DNAH11: variants seen among roughly 807,000 people sequenced by gnomAD.
DNAH11 encodes the protein dynein axonemal heavy chain 11.
Under a neutral mutation model 526.0 loss-of-function variants are expected in DNAH11, and 442 were observed. The ratio of observed to expected loss-of-function variants is 0.84; its 90% CI spans 0.78 to 0.91. The LOEUF (loss-of-function observed/expected upper bound fraction) is 0.91, where lower values mean the gene tolerates loss of function less well. Among genes scored for constraint, DNAH11 ranks in the 40% least tolerant of loss-of-function variants. DNAH11 has a pLI of 0.00. For synonymous variants in DNAH11, 2,461 were observed against 1,935.9 expected, an observed-to-expected ratio of 1.27 and a Z score of -7.12; for missense variants, 6,989 against 5,448.7, an observed-to-expected ratio of 1.28 and a Z score of -8.90.
chr7:21,823,071 T>C (rs1790124621), intron 65 of DNAH11, among the ~76,000 whole-genome samples: 1 of 151,446 alleles, frequency 6.6e-6, no homozygotes, highest in African/African-American at 2.4e-5. Context: ...ATTCTGTAGG[T>C]TGTCTCTTCA....
intron 57 of DNAH11, 58 bp downstream of exon 57, chr7:21,779,162 G>C (rs1201913363): frequency 6.5e-7 from 1 of 1,539,342 alleles, no homozygotes; most frequent in African/African-American, 1.4e-5. Flanking sequence ...AATAAACCTT[G>C]GTAGGTGAAC....
chr7:21,901,316 T>C lies in DNAH11; in HGVS notation c.*62T>C, dbSNP rs573090758. ...CAGTGAGGATTTTCTAGCATGTTGC[T>C]GCACTGTTCCCATGCACATTATTCT... On this transcript the variant is annotated 3_prime_UTR_variant, in exon 82 of 82. Coordinates refer to ENST00000409508, the MANE Select transcript of DNAH11 (RefSeq NM_001277115.2). The C allele has an allele frequency of 1.5e-3, 2,261 of 1,514,316 alleles. 4 individuals carry two copies. Among genetic ancestry groups the C allele is most frequent in the Non-Finnish European group, 1.9e-3 (2,120 of 1,131,824 alleles). 93.8% of individuals were successfully genotyped at this position (1,514,316 alleles called of 1,614,324 possible).
Position 21,564,350 on chromosome 7 carries a change from C to A in DNAH11, c.1147C>A (p.Arg383=). The change falls in exon 6 of 82, where the codon CGG becomes AGG. Residue 383 remains arginine (R), a synonymous_variant. Transcript: ENST00000409508. ...SHSKFYNTPA[R]VIVLLQEFCN... is the part of the protein sequence containing the mutation. ...TTCCAAGTTTTATAACACCCCAGCT[C>A]GGGTTATAGTTTTATTGCAAGAGTT... is the stretch of plus-strand genomic sequence containing the variant. 2 of 1,613,368 alleles carry A rather than the reference C, an allele frequency of 1.2e-6. No individual in the cohort carries two copies. The highest frequency in any genetic ancestry group is 2.2e-5 in the East Asian group (1 of 44,864).
intron 38 of DNAH11, 53 bp from the exon 39 acceptor site, chr7:21,705,406 CT>C (rs1001437270): frequency 2.6e-5 from 41 of 1,587,970 alleles, no homozygotes; most frequent in East Asian, 1.1e-4. Flanking sequence ...GGTAGATTAT[CT>C]TTTTGTCACC....
chr7:21,743,025 G>A (rs1172882264), intron 49 of DNAH11, among the ~76,000 whole-genome samples: 1 of 152,224 alleles, frequency 6.6e-6, no homozygotes, highest in Non-Finnish European at 1.5e-5. Flanking sequence ...CAAATGCCCA[G>A]CACCCCTTTC....
At chr7:21,824,392 AACAG>A (rs1790186001) in intron 65 of DNAH11, among the ~76,000 whole-genome samples, 1 of 152,184 alleles carries the variant, frequency 6.6e-6, no homozygotes, top group African/African-American at 2.4e-5. Flanking sequence ...CATAAAGTCT[AACAG>A]ACAGGACATA....
chr7:21,823,549 A>G (rs1790145063), intron 65 of DNAH11, among the ~76,000 whole-genome samples: 1 of 152,012 alleles, frequency 6.6e-6, no homozygotes, highest in Non-Finnish European at 1.5e-5. Flanking sequence ...TACATAGTAT[A>G]TTTTCCCTGT....
chr7:21,831,603 C>A (rs572899448), intron 65 of DNAH11, among the ~76,000 whole-genome samples: 2 of 152,180 alleles, frequency 1.3e-5, no homozygotes, highest in Non-Finnish European at 2.9e-5. Flanking sequence ...ATCCTCCCCC[C>A]CTCTATTAAC....
rs140465608 is a variant in DNAH11, at chr7:21,576,689, C to T, written c.1593+4716C>T. 4.9e-3 allele frequency among the ~76,000 whole-genome samples: 750 copies of T among 152,244 alleles called. 3 individuals are homozygous for T. The highest frequency in any genetic ancestry group is 0.016 in the African/African-American group (662 of 41,554). On this transcript the variant is annotated intron_variant, in intron 8 of 81. Transcript: ENST00000409508. ...TGTCAATGCTGTATTTCAGCTTACT[C>T]GTGAAGACCTGGTCTTTGTGCTGTA...
intron 45 of DNAH11, 49 bp downstream of exon 45, chr7:21,726,033 A>G (rs1385918408): frequency 2.1e-6 from 3 of 1,453,144 alleles, no homozygotes; most frequent in Non-Finnish European, 2.7e-6. Context: ...TCATATTGCT[A>G]TAAAAAATAC....
intron 30 of DNAH11, among the ~76,000 whole-genome samples, chr7:21,662,008 A>G (rs568718425): frequency 8.6e-4 from 130 of 151,928 alleles, no homozygotes; most frequent in Non-Finnish European, 9.6e-4. Flanking sequence ...TAGTAGAGAC[A>G]GGGTTTCACC....
At chr7:21,704,383 G>T in intron 37 of DNAH11, 51 bp from the exon 38 acceptor site, 4 of 1,516,990 alleles carry the variant, frequency 2.6e-6, no homozygotes, top group Non-Finnish European at 3.6e-6. Context: ...AGTTTTTTAG[G>T]TGTTTGTTAG....
chr7:21,591,655 A>G, intron 14 of DNAH11, 78 bp downstream of exon 14: 1 of 1,348,804 alleles, frequency 7.4e-7, no homozygotes, highest in South Asian at 2.0e-5. Flanking sequence ...TAACCTAATA[A>G]TGTGGGACTC....
intron 18 of DNAH11, among the ~76,000 whole-genome samples, chr7:21,602,185 C>A (rs1348011647): frequency 2.0e-5 from 3 of 151,864 alleles, no homozygotes; most frequent in African/African-American, 4.8e-5. Context: ...ACTAAAAATA[C>A]AAAAATTAGC....
chr7:21,606,656 G>T lies in DNAH11; in HGVS notation c.3775G>T (p.Ala1259Ser). The change falls in exon 20 of 82, where the codon GCA becomes TCA. Residue 1259 changes from alanine (A) to serine (S), a missense_variant. Physicochemically the swap from Ala to Ser is moderately conservative, Grantham distance 99 (BLOSUM62 1). Coordinates refer to ENST00000409508, the MANE Select transcript of DNAH11 (RefSeq NM_001277115.2). ...KKCILFDAKQ[A>S]EFRERFRHYA... ...TTTTTGCAATGATCAGGCAAAGCAG[G>T]CAGAGTTCAGAGAGAGATTCAGACA... 1.3e-6 allele frequency: 2 copies of T among 1,575,288 alleles called. No individual in the cohort carries two copies. Among genetic ancestry groups the T allele is most frequent in the Non-Finnish European group, 1.7e-6 (2 of 1,158,574 alleles).
At chr7:21,770,521 C>T (rs1031719870) in intron 55 of DNAH11, among the ~76,000 whole-genome samples, 2 of 152,162 alleles carry the variant, frequency 1.3e-5, no homozygotes, top group Non-Finnish European at 2.9e-5. Context: ...TGAATTTGCA[C>T]TGCTTACCAC....
At chr7:21,784,639 A>T (rs1788095945) in intron 58 of DNAH11, 99 bp downstream of exon 58, 8 of 775,868 alleles carry the variant, frequency 1.0e-5, no homozygotes, top group Non-Finnish European at 1.6e-5. Flanking sequence ...ATTACAGCCA[A>T]AAAGTATTTT....
intron 38 of DNAH11, among the ~76,000 whole-genome samples, chr7:21,704,867 T>C (rs147373077): frequency 2.0e-5 from 3 of 152,280 alleles, no homozygotes; most frequent in African/African-American, 7.2e-5. Flanking sequence ...TAAGCATGCT[T>C]TTAATTAGGT....
chr7:21,609,808 AGAAC>A (rs1785444276), intron 20 of DNAH11, among the ~76,000 whole-genome samples: 1 of 152,238 alleles, frequency 6.6e-6, no homozygotes, highest in South Asian at 2.1e-4. Flanking sequence ...TCAGAAGTCT[AGAAC>A]TATGAGATTG....
Sources: allele counts gnomAD v4.1 joint callset (sites outside exome capture counted in the v4.1 genomes callset), GRCh38; gene constraint gnomAD v4.1.1; transcripts MANE v1.5; gene names NCBI Gene and HGNC (gene_info 2026-07-23, HGNC 2026-07-21).